KDM6A: variants seen among roughly 807,000 people sequenced by gnomAD.
The protein encoded by KDM6A is lysine-specific demethylase 6A.
A neutral mutation model predicts 117.6 loss-of-function variants in KDM6A; 11 were observed. The ratio of observed to expected loss-of-function variants is 0.09; its 90% CI spans 0.06 to 0.15. The LOEUF (loss-of-function observed/expected upper bound fraction) is 0.15, where lower values mean the gene tolerates loss of function less well. KDM6A is among the 10% of genes least tolerant of loss of function. The probability of loss-of-function intolerance (pLI) is 1.00; values close to 1 mark genes in which losing one functional copy is unlikely to be tolerated. For missense variants in KDM6A, 799 were observed against 1,077.3 expected, an observed-to-expected ratio of 0.74 and a Z score of 3.62; for synonymous variants, 384 against 396.1, an observed-to-expected ratio of 0.97 and a Z score of 0.36.
At chrX:45,037,214 G>C (rs753349123) in intron 7 of KDM6A, among the ~76,000 whole-genome samples, 1 of 112,008 alleles carries the variant, frequency 8.9e-6, no homozygotes, top group East Asian at 2.8e-4. Context: ...TCACTGATTT[G>C]TACTTTGGTT....
At position 45,030,961 on chromosome X, in the gene KDM6A, CT is replaced by C. The variant is rs774900419; in HGVS notation, c.565-3969del. 1.4e-3 allele frequency among the ~76,000 whole-genome samples: 158 copies of C among 111,987 alleles called. No individual in the cohort carries two copies. The Middle Eastern group carries it at 0.014, about 10-fold the overall frequency. ...CTGCCCGCCTTGGCCTCCCGAAGTG[CT>C]GAGATTATAGGTGTGAGCCACCATG... is the stretch of plus-strand genomic sequence containing the variant. On this transcript the variant is annotated intron_variant, in intron 6 of 29. Coordinates refer to ENST00000611820, the MANE Select transcript of KDM6A (RefSeq NM_001291415.2).
At chrX:45,031,060 T>A (rs2042583919) in intron 6 of KDM6A, among the ~76,000 whole-genome samples, 1 of 112,406 alleles carries the variant, frequency 8.9e-6, no homozygotes, top group African/African-American at 3.2e-5. Flanking sequence ...GATTTATCTT[T>A]GACATGCAAC....
Position 45,037,949 on chromosome X carries a change from C to T in KDM6A, c.654+260C>T, listed in dbSNP as rs752457269. On this transcript the variant is annotated intron_variant, in intron 8 of 29. Transcript: ENST00000611820. Reference sequence around the variant, plus strand: ...AACTTGATCCATTTGCGGCTGGGCGCGGTAGCTCACACCTGTAATCCCACT... The same window carrying T: ...AACTTGATCCATTTGCGGCTGGGCGTGGTAGCTCACACCTGTAATCCCACT... 3.6e-5 allele frequency among the ~76,000 whole-genome samples: 4 copies of T among 111,837 alleles called. No homozygotes were observed. The South Asian group carries it at 1.1e-3, about 31-fold the overall frequency.
chrX:44,943,548 C>G (rs1026972766), intron 2 of KDM6A, among the ~76,000 whole-genome samples: 1 of 111,936 alleles, frequency 8.9e-6, no homozygotes. Context: ...CATGCATATA[C>G]TATGTGATCT....
intron 4 of KDM6A, among the ~76,000 whole-genome samples, chrX:44,998,719 C>T (rs2040988665): frequency 9.0e-6 from 1 of 111,365 alleles, no homozygotes. Context: ...AAAATTAAGA[C>T]ATTTGATGTT....
chrX:45,058,085 CCCT>C (rs2073154434), intron 10 of KDM6A, among the ~76,000 whole-genome samples: 1 of 80,008 alleles, frequency 1.2e-5, no homozygotes, highest in Non-Finnish European at 2.4e-5. Flanking sequence ...TCCCCCCCCC[CCCT>C]TTTTTTTTTT....
At chrX:44,914,117 T>C (rs1012304913) in intron 2 of KDM6A, among the ~76,000 whole-genome samples, 1 of 111,904 alleles carries the variant, frequency 8.9e-6, no homozygotes, top group Admixed American at 9.5e-5. Flanking sequence ...CTGCAGAAAG[T>C]AAAGCTCGCC....
intron 2 of KDM6A, among the ~76,000 whole-genome samples, chrX:44,901,661 G>C (rs900323304): frequency 9.0e-6 from 1 of 111,055 alleles, no homozygotes; most frequent in Non-Finnish European, 1.9e-5. Context: ...ATATATTCTT[G>C]ATAAATTGAT....
At chrX:45,013,671 A>G (rs752430587) in intron 5 of KDM6A, among the ~76,000 whole-genome samples, 3 of 111,761 alleles carry the variant, frequency 2.7e-5, no homozygotes, top group Non-Finnish European at 5.7e-5. Context: ...TCATTTTCTC[A>G]TGTCTTGAGT....
intron 2 of KDM6A, among the ~76,000 whole-genome samples, chrX:44,927,912 A>G (rs1177645617): frequency 9.0e-6 from 1 of 111,495 alleles, no homozygotes; most frequent in African/African-American, 3.3e-5. Context: ...TCTGTAAACA[A>G]ACAGCAACCA....
chrX:44,945,000 T>C (rs913424214), intron 2 of KDM6A, among the ~76,000 whole-genome samples: 2 of 111,854 alleles, frequency 1.8e-5, no homozygotes, highest in African/African-American at 6.5e-5. Context: ...CTGTAGGTCT[T>C]CTGGTGATGA....
At position 45,064,011 on chromosome X, in the gene KDM6A, A is replaced by G. The variant is rs184483126; in HGVS notation, c.2079+194A>G. ...TCTTTGTTCCCTTTGTACAGTCTCT[A>G]CCGACATAGATAACTTAGCAAATTT... On this transcript the variant is annotated intron_variant, in intron 17 of 29. Coordinates refer to ENST00000611820, the MANE Select transcript of KDM6A (RefSeq NM_001291415.2). Among the ~76,000 whole-genome samples the G allele has an allele frequency of 7.1e-4, 79 of 112,049 alleles. 3 individuals carry two copies. Among genetic ancestry groups the G allele is most frequent in the Admixed American group, 7.0e-3 (74 of 10,597 alleles).
rs770620307 is a variant in KDM6A, at chrX:45,106,078, G to A, written c.4035-1332G>A. On this transcript the variant is annotated intron_variant, in intron 27 of 29. Transcript: ENST00000611820. The stretch of plus-strand genomic sequence containing the variant: ...GAAACTGATCTCTGGTGCTAAAAAG[G>A]TTGGGGACCGCTGGTCTAAAGCAAT... 7.2e-5 allele frequency among the ~76,000 whole-genome samples: 8 copies of A among 110,968 alleles called. No homozygotes were observed. The South Asian group carries it at 3.1e-3, about 43-fold the overall frequency.
intron 27 of KDM6A, among the ~76,000 whole-genome samples, chrX:45,094,895 G>A (rs2046043477): frequency 9.0e-6 from 1 of 111,315 alleles, no homozygotes; most frequent in Non-Finnish European, 1.9e-5. Flanking sequence ...AGTAAAATAA[G>A]ATACAGTTGT....
chrX:45,110,388 C>G (rs1308782874), intron 29 of KDM6A, 139 bp downstream of exon 29: 4 of 509,986 alleles, frequency 7.8e-6, no homozygotes, highest in Non-Finnish European at 1.3e-5. Flanking sequence ...AGGGTATATT[C>G]ATATCATTCC....
chrX:45,043,805 C>T (rs1415523755), intron 8 of KDM6A, among the ~76,000 whole-genome samples: 3 of 111,504 alleles, frequency 2.7e-5, no homozygotes, highest in Non-Finnish European at 5.7e-5. Flanking sequence ...TCATAGGTTT[C>T]TATGTATATT....
intron 2 of KDM6A, among the ~76,000 whole-genome samples, chrX:44,935,929 G>T (rs769442717): frequency 8.9e-6 from 1 of 112,084 alleles, no homozygotes; most frequent in South Asian, 3.7e-4. Context: ...ATGAGTGACA[G>T]CTCAGGTATG....
chrX:45,003,960 C>T (rs1020272020), intron 4 of KDM6A, among the ~76,000 whole-genome samples: 1 of 102,938 alleles, frequency 9.7e-6, no homozygotes, highest in African/African-American at 3.6e-5. Context: ...TTTTCCCTGC[C>T]TCTGCCAGAC....
chrX:45,072,435 T>C (rs1352526193), intron 18 of KDM6A, among the ~76,000 whole-genome samples: 1 of 98,021 alleles, frequency 1.0e-5, no homozygotes, highest in Admixed American at 1.0e-4. Context: ...TTTATATTAG[T>C]TTTTTTTTTG....
Sources: gnomAD v4.1 joint callset for allele counts (sites outside exome capture counted in the v4.1 genomes callset) on GRCh38, gnomAD v4.1.1 for gene constraint, MANE v1.5 for transcripts, NCBI Gene and HGNC (gene_info 2026-07-23, HGNC 2026-07-21) for gene names.